MTERF4: variants seen among roughly 807,000 people sequenced by gnomAD.
MTERF4 encodes the protein transcription termination factor 4, mitochondrial.
MTERF4 carries 17 observed loss-of-function variants against 22.5 expected under a neutral mutation model. That is an observed-to-expected ratio of 0.75 (90% confidence interval 0.52 to 1.13). The LOEUF is 1.13. Ranked by LOEUF, MTERF4 falls within the 50% of genes most tolerant of loss-of-function variation. MTERF4 has a pLI of 0.00. For missense variants in MTERF4, 420 were observed against 466.8 expected (o/e 0.90, Z 0.92); for synonymous variants, 165 against 175.3 (o/e 0.94, Z 0.47).
At chr2:241,082,463 C>T (rs6708514), downstream of MTERF4, 10,500 of 827,760 alleles carry the variant, frequency 0.013, 696 homozygotes, top group African/African-American at 0.15. Flanking sequence ...TGAGGAGGGA[C>T]GATGGCTGCA....
the MTERF4 span, chr2:241,051,330 A>G: frequency 5.8e-6 from 1 of 173,738 alleles, no homozygotes; most frequent in East Asian, 1.5e-4. This position sits in a 1 kb window ranked among gnomAD's most constrained non-coding sequence, Gnocchi z 4.7. Flanking sequence ...TACAGAACAC[A>G]CAGAAATCCA....
At chr2:241,068,389 C>T (rs184687462), downstream of MTERF4, among the ~76,000 whole-genome samples, 96 of 151,958 alleles carry the variant, frequency 6.3e-4, no homozygotes, top group East Asian at 0.016. This position sits in a 1 kb window ranked among gnomAD's most constrained non-coding sequence, Gnocchi z 5.3. Flanking sequence ...CCAGGAGTCC[C>T]ACAGTGGACC....
the MTERF4 span, chr2:241,048,599 T>A: frequency 6.6e-7 from 1 of 1,522,680 alleles, no homozygotes. Flanking sequence ...GGGCAGGGTC[T>A]GGAGCGAGGG....
chr2:241,050,739 C>T, the MTERF4 span, among the ~76,000 whole-genome samples: 1 of 152,192 alleles, frequency 6.6e-6, no homozygotes, highest in Non-Finnish European at 1.5e-5. Context: ...CCTAGGACCA[C>T]CCTGAGGCCC....
chr2:241,067,960 A>G, downstream of MTERF4: 1 of 1,595,182 alleles, frequency 6.3e-7, no homozygotes, highest in Non-Finnish European at 8.6e-7. Context: ...AAGAAGGGAC[A>G]CCCAGAGCAT....
rs3796093 is a variant in MTERF4, at chr2:241,099,783, T to C, written c.133A>G (p.Thr45Ala). ...TTASLLRKLTTASNGGVIEEL... is the reference protein window; with the variant it reads ...TTASLLRKLTAASNGGVIEEL... Reference sequence around the variant, plus strand: ...TCAATGACCCCTCCATTGGAGGCTGTAGTCAGTTTGCGCAACAAAGAAGCT... The same window carrying C: ...TCAATGACCCCTCCATTGGAGGCTGCAGTCAGTTTGCGCAACAAAGAAGCT... The change falls in exon 2 of 4, where the codon ACA (threonine) becomes GCA (alanine). Residue 45 changes from threonine (T) to alanine (A), a missense_variant. Transcript: ENST00000391980. 109,790 of 1,614,062 alleles carry C rather than the reference T, an allele frequency of 0.068. 4,240 individuals carry two copies. Among genetic ancestry groups the C allele is most frequent in the African/African-American group, 0.14 (10,356 of 75,006 alleles).
At chr2:241,051,890 A>G in the MTERF4 span, 2 of 1,510,552 alleles carry the variant, frequency 1.3e-6, no homozygotes, top group Non-Finnish European at 8.9e-7. The surrounding 1 kb of genome is among the most constrained non-coding windows in gnomAD (Gnocchi z 4.7). Flanking sequence ...GGGGGAGGGC[A>G]GGAACGACGG....
At chr2:241,053,407 G>A in the MTERF4 span, 5 of 1,399,456 alleles carry the variant, frequency 3.6e-6, no homozygotes, top group Admixed American at 4.4e-5. Context: ...CACAGGGGCT[G>A]CAGGCCCAAG....
At chr2:241,095,155 C>T (rs2064336120), downstream of MTERF4, 1 of 150,170 alleles carries the variant, frequency 6.7e-6, no homozygotes, top group Non-Finnish European at 1.5e-5. Flanking sequence ...ATGCTCTTCT[C>T]CTCTGGTTCT....
the MTERF4 span, chr2:241,053,031 G>A: frequency 1.1e-6 from 1 of 920,820 alleles, no homozygotes; most frequent in Non-Finnish European, 1.6e-6. Context: ...CCTTTCCCCG[G>A]TGAAGGGCAG....
downstream of MTERF4, chr2:241,067,698 T>A (rs1372620307): frequency 7.1e-7 from 1 of 1,405,854 alleles, no homozygotes; most frequent in Non-Finnish European, 9.8e-7. Context: ...GGTTTCATCT[T>A]GAGCCCCTGC....
downstream of MTERF4, among the ~76,000 whole-genome samples, chr2:241,069,718 C>T (rs1161136136): frequency 6.6e-6 from 1 of 152,064 alleles, no homozygotes; most frequent in East Asian, 1.9e-4. The surrounding 1 kb of genome is among the most constrained non-coding windows in gnomAD (Gnocchi z 4.9). Context: ...AGGGTGGCAA[C>T]CAGGGGCCTG....
chr2:241,044,505 A>G, the MTERF4 span, among the ~76,000 whole-genome samples: 1 of 152,218 alleles, frequency 6.6e-6, no homozygotes, highest in Non-Finnish European at 1.5e-5. Flanking sequence ...AAGAAGACCA[A>G]GCTTCGAAGT....
At chr2:241,059,059 A>G in the MTERF4 span, among the ~76,000 whole-genome samples, 1 of 152,244 alleles carries the variant, frequency 6.6e-6, no homozygotes, top group Non-Finnish European at 1.5e-5. Flanking sequence ...TCGTGTTTAC[A>G]GTGGAGTCCT....
chr2:241,084,045 G>A (rs771405462), downstream of MTERF4, among the ~76,000 whole-genome samples: 24 of 151,522 alleles, frequency 1.6e-4, no homozygotes, highest in Non-Finnish European at 3.5e-4. Context: ...TTTAGAGGTT[G>A]CTCTGGGATT....
chr2:241,096,055 C>T lies in MTERF4; in HGVS notation c.1089G>A (p.Glu363=), dbSNP rs10191807. The T allele has an allele frequency of 2.5e-6, 4 of 1,613,128 alleles. No homozygotes were observed. Among genetic ancestry groups the T allele is most frequent in the East Asian group, 4.5e-5 (2 of 44,868 alleles). Residue 363 remains glutamate, a synonymous_variant, in exon 4 of 4, where the codon GAG becomes GAA. Coordinates refer to ENST00000391980, the MANE Select transcript of MTERF4 (RefSeq NM_182501.4). The surrounding 1 kb of genome is among the most constrained non-coding windows in gnomAD (Gnocchi z 5.1). ...EDDNDEDDDD[E]DDDEAEDNDE... is the part of the protein sequence containing the mutation. Reference sequence around the variant, plus strand: ...CATTGTCCTCCGCCTCGTCGTCGTCCTCATCATCGTCATCCTCATCATTGT... The same window carrying T: ...CATTGTCCTCCGCCTCGTCGTCGTCTTCATCATCGTCATCCTCATCATTGT...
At chr2:241,052,242 T>C in the MTERF4 span, 2 of 1,461,748 alleles carry the variant, frequency 1.4e-6, no homozygotes, top group African/African-American at 1.4e-5. Context: ...GCAGGGCTGG[T>C]CCAGGCCCTG....
exon 5 of MTERF4, chr2:241,074,317 G>A (rs2062908418): frequency 6.6e-6 from 1 of 151,922 alleles, no homozygotes; most frequent in African/African-American, 2.4e-5. Context: ...TACAAGGTCT[G>A]GACTTGCTGC....
At chr2:241,090,871 A>C (rs554149542), downstream of MTERF4, among the ~76,000 whole-genome samples, 14 of 148,848 alleles carry the variant, frequency 9.4e-5, no homozygotes, top group South Asian at 1.5e-3. Context: ...TCTGTCTCAA[A>C]AAAAAAAAAA....
Sources: allele counts gnomAD v4.1 joint callset (sites outside exome capture counted in the v4.1 genomes callset), GRCh38; gene constraint gnomAD v4.1.1; non-coding constraint Gnocchi (gnomAD v3.1); transcripts MANE v1.5; gene names NCBI Gene and HGNC (gene_info 2026-07-23, HGNC 2026-07-21).